Variants in SUSD1 observed in about 807,000 individuals in gnomAD.
SUSD1 encodes sushi domain containing 1, also known as sushi domain-containing protein 1.
SUSD1 carries 65 observed loss-of-function variants against 86.9 expected under a neutral mutation model. The ratio of observed to expected loss-of-function variants is 0.75; its 90% CI spans 0.61 to 0.92. The LOEUF is 0.92. Among genes scored for constraint, SUSD1 ranks in the 40% least tolerant of loss-of-function variants. SUSD1 has a pLI of 0.00. For missense variants in SUSD1, 850 were observed against 929.7 expected (o/e 0.91, Z 1.11); for synonymous variants, 346 against 350.0 (o/e 0.99, Z 0.13).
rs559174846 is a variant in SUSD1, at chr9:112,090,794, A to C, written c.1474+7676T>G. The stretch of plus-strand genomic sequence containing the variant: ...TATCTTGTAGTTAGCTTTCCTTTGC[A>C]TGGCACTAAGGAATATTTTAGACTA... On this transcript the variant is annotated intron_variant, in intron 10 of 16. Coordinates refer to ENST00000374270, the MANE Select transcript of SUSD1 (RefSeq NM_022486.5). 3.3e-5 allele frequency among the ~76,000 whole-genome samples: 5 copies of C among 152,334 alleles called. No homozygotes were observed. In the East Asian group the frequency reaches 9.6e-4, roughly 29 times the overall value.
chr9:112,111,760 G>A lies in SUSD1; in HGVS notation c.1065C>T (p.Thr355=). Residue 355 remains threonine, a synonymous_variant, in exon 8 of 17, where the codon ACC becomes ACT. Transcript: ENST00000374270. ...ETVNLTTDSR[T]PEVCLALYPG... Reference sequence around the variant, plus strand: ...GGTACAGGGCTAGGCACACTTCTGGGGTCCTGCTGTCTGTGGTCAAGTTGA... The same window carrying A: ...GGTACAGGGCTAGGCACACTTCTGGAGTCCTGCTGTCTGTGGTCAAGTTGA... The A allele has an allele frequency of 6.2e-7, 1 of 1,614,078 alleles. No individual in the cohort carries two copies.
intron 10 of SUSD1, among the ~76,000 whole-genome samples, chr9:112,089,653 A>G (rs977350749): frequency 1.3e-5 from 2 of 152,066 alleles, no homozygotes; most frequent in Non-Finnish European, 2.9e-5. Flanking sequence ...CTTTACTAAA[A>G]ATACAAAAAT....
chr9:112,171,097 T>C (rs1834028398), intron 1 of SUSD1, among the ~76,000 whole-genome samples: 1 of 152,164 alleles, frequency 6.6e-6, no homozygotes, highest in Non-Finnish European at 1.5e-5. Context: ...TGGTCAGGCT[T>C]TAATCAGTAA....
At chr9:112,055,856 A>G (rs1828423946) in intron 14 of SUSD1, among the ~76,000 whole-genome samples, 2 of 152,370 alleles carry the variant, frequency 1.3e-5, no homozygotes, top group Non-Finnish European at 2.9e-5. Flanking sequence ...CACATGCCAC[A>G]ACATGGGTGA....
At chr9:112,107,627 GA>G (rs1027120713) in intron 8 of SUSD1, among the ~76,000 whole-genome samples, 5 of 151,878 alleles carry the variant, frequency 3.3e-5, no homozygotes, top group African/African-American at 1.2e-4. Flanking sequence ...TTTCAAGAAG[GA>G]AAAAAAGTAG....
intron 4 of SUSD1, 200 bp from the exon 5 acceptor site, chr9:112,142,699 A>G: frequency 1.8e-6 from 1 of 545,112 alleles, no homozygotes. Context: ...CCATAGGTAA[A>G]GCATCTATAC....
chr9:112,130,735 A>G (rs1831994844), intron 5 of SUSD1, among the ~76,000 whole-genome samples: 1 of 152,050 alleles, frequency 6.6e-6, no homozygotes, highest in African/African-American at 2.4e-5. Context: ...AGAAAATCCT[A>G]CAAAGTAGCC....
intron 10 of SUSD1, among the ~76,000 whole-genome samples, chr9:112,080,469 CTT>C (rs1829715409): frequency 6.6e-6 from 1 of 152,162 alleles, no homozygotes; most frequent in African/African-American, 2.4e-5. Context: ...AGGCAGATCA[CTT>C]GAGGCCACGA....
intron 5 of SUSD1, among the ~76,000 whole-genome samples, chr9:112,126,681 G>C (rs957230734): frequency 3.3e-5 from 5 of 152,224 alleles, no homozygotes; most frequent in Middle Eastern, 6.8e-3. Context: ...ACAGCTATAC[G>C]TCTGAATCCC....
chr9:112,053,513 C>CAAAAA (rs56987871), intron 14 of SUSD1, among the ~76,000 whole-genome samples: 1,251 of 77,606 alleles, frequency 0.016, 114 homozygotes, highest in African/African-American at 0.072. Context: ...GACTTCGTCT[C>CAAAAA]AAAAAAAAAA....
chr9:112,141,423 T>C (rs1286741564), intron 5 of SUSD1, among the ~76,000 whole-genome samples: 1 of 152,140 alleles, frequency 6.6e-6, no homozygotes, highest in African/African-American at 2.4e-5. Context: ...ACACCTGTAA[T>C]CCCAGCACTG....
At chr9:112,108,813 GAAAA>G (rs796550552) in intron 8 of SUSD1, among the ~76,000 whole-genome samples, 2 of 98,496 alleles carry the variant, frequency 2.0e-5, no homozygotes, top group African/African-American at 7.0e-5. Flanking sequence ...AAGAAAGAAA[GAAAA>G]AAAAAAAGAG....
chr9:112,170,710 T>TATATATATATATATATAGAGAG (rs758442726), intron 1 of SUSD1, among the ~76,000 whole-genome samples: 4 of 113,794 alleles, frequency 3.5e-5, no homozygotes, highest in African/African-American at 1.5e-4. Context: ...TATATATATA[T>TATATATATATATATATAGAGAG]AGAGAGAGAG....
At chr9:112,117,856 T>C (rs1482291506) in intron 6 of SUSD1, among the ~76,000 whole-genome samples, 6 of 152,204 alleles carry the variant, frequency 3.9e-5, no homozygotes, top group Admixed American at 1.3e-4. Context: ...GAATGACAGC[T>C]GAAACTGGAA....
Position 112,041,481 on chromosome 9 carries a change from T to A in SUSD1, c.*11A>T, listed in dbSNP as rs750172263. The A allele has an allele frequency of 1.3e-6, 1 of 780,894 alleles. No homozygotes were observed. Among genetic ancestry groups the A allele is most frequent in the Non-Finnish European group, 2.4e-6 (1 of 418,112 alleles). The allele number at this position is 780,894 out of a possible 1,614,324, so 48.4% of individuals were successfully genotyped here. Reference sequence around the variant, plus strand: ...AGCAGTGCATCCTCCCCACTCAGTGTCCATCTGCCATCTAGACATGGAGGA... The same window carrying A: ...AGCAGTGCATCCTCCCCACTCAGTGACCATCTGCCATCTAGACATGGAGGA... On this transcript the variant is annotated 3_prime_UTR_variant, in exon 17 of 17. Transcript: ENST00000374270.
intron 6 of SUSD1, among the ~76,000 whole-genome samples, chr9:112,117,130 A>G (rs1284646621): frequency 6.6e-6 from 1 of 152,094 alleles, no homozygotes; most frequent in Admixed American, 6.5e-5. Context: ...ATACAACAAG[A>G]CTCTGTCCCT....
chr9:112,074,532 T>C (rs1277157003), intron 12 of SUSD1, among the ~76,000 whole-genome samples: 2 of 152,172 alleles, frequency 1.3e-5, no homozygotes. Context: ...AGCGATGTAT[T>C]TAAAGCACTT....
chr9:112,163,593 G>A (rs1181276604), intron 1 of SUSD1, among the ~76,000 whole-genome samples: 1 of 152,020 alleles, frequency 6.6e-6, no homozygotes, highest in Admixed American at 6.6e-5. Context: ...TGCTTTGATT[G>A]AGCCACTGCA....
chr9:112,052,273 T>C (rs1828248262), intron 15 of SUSD1, 126 bp downstream of exon 15: 5 of 1,576,160 alleles, frequency 3.2e-6, no homozygotes, highest in Non-Finnish European at 4.3e-6. Context: ...TGAAGCTCTT[T>C]GCTTAAAGTA....
Sources: allele counts gnomAD v4.1 joint callset (sites outside exome capture counted in the v4.1 genomes callset), GRCh38; gene constraint gnomAD v4.1.1; transcripts MANE v1.5; gene names NCBI Gene and HGNC (gene_info 2026-07-23, HGNC 2026-07-21).